Variants in MTSS1 observed in about 807,000 individuals in gnomAD.
MTSS1 encodes protein MTSS 1.
MTSS1 carries 18 observed loss-of-function variants against 79.0 expected under a neutral mutation model. That is an observed-to-expected ratio of 0.23 (90% CI 0.16 to 0.34). The LOEUF is 0.34. Among genes scored for constraint, MTSS1 ranks in the 10% least tolerant of loss-of-function variants. The pLI, the probability that MTSS1 is intolerant of heterozygous loss-of-function variation, is 1.00. For missense variants in MTSS1, 815 were observed against 986.2 expected (o/e 0.83, Z 2.33); for synonymous variants, 341 against 368.6 (o/e 0.93, Z 0.86).
chr8:124,656,809 A>G (rs1821047596), intron 3 of MTSS1, among the ~76,000 whole-genome samples: 1 of 151,618 alleles, frequency 6.6e-6, no homozygotes, highest in South Asian at 2.1e-4. Context: ...AGAAAAAAGA[A>G]AAAAAGGAAA....
chr8:124,584,241 G>A (rs1363644683), intron 6 of MTSS1, among the ~76,000 whole-genome samples: 1 of 152,188 alleles, frequency 6.6e-6, no homozygotes, highest in Admixed American at 6.5e-5. Flanking sequence ...AACTCGAAAA[G>A]GTTGTCTCAA....
At chr8:124,642,415 T>C (rs1458848446) in intron 3 of MTSS1, among the ~76,000 whole-genome samples, 1 of 152,182 alleles carries the variant, frequency 6.6e-6, no homozygotes, top group East Asian at 1.9e-4. Context: ...GCCTACCCTT[T>C]GAAGTTTCAG....
At chr8:124,690,749 G>C (rs1587828717) in intron 3 of MTSS1, among the ~76,000 whole-genome samples, 1 of 152,166 alleles carries the variant, frequency 6.6e-6, no homozygotes, top group Non-Finnish European at 1.5e-5. Context: ...GTAATGCTAG[G>C]CTCATGGTTA....
At chr8:124,650,278 C>T (rs1051530379) in intron 3 of MTSS1, among the ~76,000 whole-genome samples, 1 of 152,160 alleles carries the variant, frequency 6.6e-6, no homozygotes, top group Admixed American at 6.5e-5. Context: ...ATCTGCTTGC[C>T]TCGGCCTCCC....
At chr8:124,568,668 C>T in intron 6 of MTSS1, 132 bp from the exon 7 acceptor site, 2 of 1,484,912 alleles carry the variant, frequency 1.3e-6, no homozygotes, top group Non-Finnish European at 1.8e-6. Flanking sequence ...TTTATTCATG[C>T]CCCAAAAGGA....
intron 6 of MTSS1, among the ~76,000 whole-genome samples, chr8:124,571,668 A>T (rs1454834004): frequency 6.6e-6 from 1 of 152,214 alleles, no homozygotes; most frequent in Non-Finnish European, 1.5e-5. Context: ...CAATTTAAAA[A>T]AATAACAGCC....
intron 3 of MTSS1, among the ~76,000 whole-genome samples, chr8:124,652,612 T>G (rs976219027): frequency 4.6e-5 from 7 of 150,804 alleles, no homozygotes; most frequent in Admixed American, 1.3e-4. Context: ...CTGGCCGACC[T>G]GGTGAAACCC....
At chr8:124,672,437 T>A (rs1047735233) in intron 3 of MTSS1, among the ~76,000 whole-genome samples, 2 of 150,682 alleles carry the variant, frequency 1.3e-5, no homozygotes, top group African/African-American at 4.9e-5. Context: ...GAGGTTGCAG[T>A]GAGCCAAGAT....
At chr8:124,619,062 T>C (rs1293638039) in intron 3 of MTSS1, among the ~76,000 whole-genome samples, 1 of 152,164 alleles carries the variant, frequency 6.6e-6, no homozygotes. Flanking sequence ...TTTCATGGAG[T>C]TGACATCTAT....
At chr8:124,567,702 A>C in intron 7 of MTSS1, 1 of 1,494,960 alleles carries the variant, frequency 6.7e-7, no homozygotes, top group Admixed American at 2.2e-5. Context: ...GAAACATCCC[A>C]TGTGCTTTAT....
chr8:124,600,090 T>C (rs28515894), intron 3 of MTSS1, among the ~76,000 whole-genome samples: 6,681 of 151,860 alleles, frequency 0.044, 498 homozygotes, highest in African/African-American at 0.15. Flanking sequence ...CAGTGTCTCA[T>C]GCTATCTTTG....
intron 2 of MTSS1, among the ~76,000 whole-genome samples, chr8:124,701,283 C>A (rs1384885582): frequency 6.6e-6 from 1 of 152,066 alleles, no homozygotes; most frequent in African/African-American, 2.4e-5. Context: ...AAAGGAATGG[C>A]CTTTAAACAT....
chr8:124,589,909 T>C (rs1489394165), intron 4 of MTSS1, among the ~76,000 whole-genome samples, 198 bp from the exon 5 acceptor site: 1 of 152,118 alleles, frequency 6.6e-6, no homozygotes, highest in Admixed American at 6.5e-5. Flanking sequence ...CAGGCTGGAG[T>C]GCAGTGGCGC....
At chr8:124,556,998 C>G (rs937944977) in intron 11 of MTSS1, among the ~76,000 whole-genome samples, 1 of 152,236 alleles carries the variant, frequency 6.6e-6, no homozygotes, top group African/African-American at 2.4e-5. Flanking sequence ...GCTTAAAACG[C>G]TGGCAGCCAA....
At chr8:124,694,673 T>C (rs936410267) in intron 3 of MTSS1, among the ~76,000 whole-genome samples, 1 of 152,116 alleles carries the variant, frequency 6.6e-6, no homozygotes. Flanking sequence ...ATTTTCCTTT[T>C]CTTATTTTTT....
intron 4 of MTSS1, among the ~76,000 whole-genome samples, chr8:124,589,920 G>C (rs545233984): frequency 6.6e-6 from 1 of 152,060 alleles, no homozygotes; most frequent in Non-Finnish European, 1.5e-5. Context: ...GCAGTGGCGC[G>C]ATCTCGGCTC....
chr8:124,614,274 A>T (rs1836433591), intron 3 of MTSS1, among the ~76,000 whole-genome samples: 1 of 152,160 alleles, frequency 6.6e-6, no homozygotes, highest in African/African-American at 2.4e-5. Context: ...CTGCTACTGA[A>T]ACCTTGCTCA....
intron 11 of MTSS1, among the ~76,000 whole-genome samples, chr8:124,557,229 C>T (rs1824037972): frequency 6.6e-6 from 1 of 152,216 alleles, no homozygotes; most frequent in Admixed American, 6.5e-5. Context: ...GTTACCACAG[C>T]CCAGCAGGGA....
rs554580151 is a variant in MTSS1, at chr8:124,570,961, C to T, written c.461-2425G>A. On this transcript the variant is annotated intron_variant, in intron 6 of 13. Coordinates refer to ENST00000518547, the MANE Select transcript of MTSS1 (RefSeq NM_014751.6). Reference sequence around the variant, plus strand: ...GTGCTGGGATTACAGACATGAGCCACAGCGCCTGGGTGTTTCAGCATATTT... The same window carrying T: ...GTGCTGGGATTACAGACATGAGCCATAGCGCCTGGGTGTTTCAGCATATTT... Among the ~76,000 whole-genome samples the T allele has an allele frequency of 7.9e-5, 12 of 152,306 alleles. No individual in the cohort carries two copies. The South Asian group carries it at 1.4e-3, about 18-fold the overall frequency.
Sources: gnomAD v4.1 joint callset for allele counts (sites outside exome capture counted in the v4.1 genomes callset) on GRCh38, gnomAD v4.1.1 for gene constraint, MANE v1.5 for transcripts, NCBI Gene and HGNC (gene_info 2026-07-23, HGNC 2026-07-21) for gene names.